The following RBFOX1 variants were observed in gnomAD, a reference collection of about 807,000 sequenced individuals.
The protein encoded by RBFOX1 is RNA binding protein fox-1 homolog 1.
In RBFOX1, 8 loss-of-function variants were observed where a neutral mutation model predicts 57.7. That is an observed-to-expected ratio of 0.14 (90% CI 0.08 to 0.25). RBFOX1 has a LOEUF of 0.25. Ranked by LOEUF, RBFOX1 falls within the 10% of genes least tolerant of loss-of-function variation. The probability of loss-of-function intolerance (pLI) is 1.00; values close to 1 mark genes in which losing one functional copy is unlikely to be tolerated. For synonymous variants in RBFOX1, 326 were observed against 222.4 expected, an observed-to-expected ratio of 1.47 and a Z score of -4.15; for missense variants, 611 against 548.5, an observed-to-expected ratio of 1.11 and a Z score of -1.14.
rs1064796313 is a variant in RBFOX1 at position 7,518,297 on chromosome 16, G to A, written c.178G>A (p.Glu60Lys). The change falls in exon 5 of 16, where the codon GAG becomes AAG. Residue 60 changes from glutamate (E) to lysine (K), a missense_variant. Physicochemically the swap from Glu to Lys is moderately conservative, Grantham distance 56 (BLOSUM62 1). This residue lies in a region of RBFOX1 where 245 missense variants were observed against 159.1 expected (regional missense o/e 1.54). Coordinates refer to ENST00000550418, the MANE Select transcript of RBFOX1 (RefSeq NM_018723.4). ...PEYTGQTTVP[E>K]HTLNLYPPAQ... ...GTACACAGGCCAGACCACGGTTCCCGAGCACACATTAAACCTGTACCCTCC... is the reference window on the plus strand; with the variant it reads ...GTACACAGGCCAGACCACGGTTCCCAAGCACACATTAAACCTGTACCCTCC... 3.1e-6 allele frequency: 5 copies of A among 1,613,922 alleles called. No individual in the cohort carries two copies. Among genetic ancestry groups the A allele is most frequent in the Non-Finnish European group, 2.5e-6 (3 of 1,180,014 alleles).
chr16:6,007,679 C>G (rs906956999), intron 4 of RBFOX1, among the ~76,000 whole-genome samples: 3 of 152,172 alleles, frequency 2.0e-5, no homozygotes, highest in South Asian at 4.1e-4. Flanking sequence ...AGTAGGCACT[C>G]AATACATACT....
chr16:6,379,254 A>G (rs1375344503), intron 2 of RBFOX1, among the ~76,000 whole-genome samples: 1 of 152,186 alleles, frequency 6.6e-6, no homozygotes, highest in Non-Finnish European at 1.5e-5. Flanking sequence ...CAGAGAGGCA[A>G]TGGTACTCAA....
chr16:6,828,771 A>T (rs1041547245), intron 3 of RBFOX1, among the ~76,000 whole-genome samples: 1 of 152,162 alleles, frequency 6.6e-6, no homozygotes, highest in African/African-American at 2.4e-5. Context: ...GACCAGCACC[A>T]TGAATTCCGA....
chr16:7,386,138 G>C (rs955887481), intron 4 of RBFOX1, among the ~76,000 whole-genome samples: 1 of 152,008 alleles, frequency 6.6e-6, no homozygotes, highest in Non-Finnish European at 1.5e-5. Context: ...GAGGACTCTT[G>C]GGTTTGAGAT....
chr16:7,186,111 G>C (rs2083689796), intron 4 of RBFOX1, among the ~76,000 whole-genome samples: 1 of 151,754 alleles, frequency 6.6e-6, no homozygotes, highest in African/African-American at 2.4e-5. Flanking sequence ...TAATTGCACA[G>C]ATATGTACAA....
intron 1 of RBFOX1, among the ~76,000 whole-genome samples, chr16:6,212,728 C>CA (rs1555553887): frequency 0.15 from 21,822 of 145,042 alleles, 1,748 homozygotes; most frequent in Middle Eastern, 0.26. Context: ...AACAAACAAA[C>CA]AAAAAAAAAA....
chr16:6,003,996 A>T (rs780237400), intron 4 of RBFOX1, among the ~76,000 whole-genome samples: 6 of 152,216 alleles, frequency 3.9e-5, no homozygotes, highest in Non-Finnish European at 7.3e-5. Flanking sequence ...TTGAGAGTTT[A>T]TTGAGAGGAC....
intron 2 of RBFOX1, among the ~76,000 whole-genome samples, chr16:6,518,922 G>C (rs903771099): frequency 6.6e-6 from 1 of 152,016 alleles, no homozygotes; most frequent in South Asian, 2.1e-4. Flanking sequence ...CATTTGGTCA[G>C]AGTTCAGCCA....
chr16:7,206,645 C>T (rs1048340718), intron 4 of RBFOX1, among the ~76,000 whole-genome samples: 11 of 152,044 alleles, frequency 7.2e-5, no homozygotes, highest in African/African-American at 1.9e-4. Context: ...TCTTATCCCT[C>T]AGCTAGATTA....
At chr16:7,698,329 G>T (rs562665273) in intron 14 of RBFOX1, among the ~76,000 whole-genome samples, 2 of 152,042 alleles carry the variant, frequency 1.3e-5, no homozygotes, top group East Asian at 1.9e-4. Context: ...TTTCATCTCA[G>T]TTCCTGATGA....
At chr16:7,002,033 T>G (rs1204614112) in intron 3 of RBFOX1, among the ~76,000 whole-genome samples, 6 of 150,358 alleles carry the variant, frequency 4.0e-5, no homozygotes, top group African/African-American at 1.5e-4. Context: ...GATTCAGGGA[T>G]GGGCATGTGA....
At chr16:6,426,257 A>C (rs1489753043) in intron 2 of RBFOX1, among the ~76,000 whole-genome samples, 1 of 151,920 alleles carries the variant, frequency 6.6e-6, no homozygotes, top group Non-Finnish European at 1.5e-5. Flanking sequence ...AGGTTCAAAA[A>C]CAGATGGGGA....
At chr16:5,882,745 G>T (rs144109054) in intron 4 of RBFOX1, among the ~76,000 whole-genome samples, 2 of 152,150 alleles carry the variant, frequency 1.3e-5, no homozygotes, top group African/African-American at 4.8e-5. Flanking sequence ...GTCCCTGGGC[G>T]GGTTAAAGAC....
chr16:6,854,250 A>G (rs545542850), intron 3 of RBFOX1, among the ~76,000 whole-genome samples: 20 of 152,316 alleles, frequency 1.3e-4, no homozygotes, highest in Admixed American at 1.3e-3. Flanking sequence ...GACATATACC[A>G]TTAGCACCAT....
chr16:7,477,150 A>T (rs904293267), intron 4 of RBFOX1, among the ~76,000 whole-genome samples: 1 of 152,202 alleles, frequency 6.6e-6, no homozygotes, highest in East Asian at 1.9e-4. Context: ...CATGAGAATC[A>T]CAAAACCAAC....
intron 2 of RBFOX1, among the ~76,000 whole-genome samples, chr16:6,551,686 C>A (rs550763054): frequency 6.6e-6 from 1 of 152,230 alleles, no homozygotes; most frequent in Admixed American, 6.5e-5. Flanking sequence ...ACAGATAAGA[C>A]TATTAAAAGA....
rs529092621 is a variant in RBFOX1, at chr16:5,446,250, G to A, written c.220-20966G>A. Among the ~76,000 whole-genome samples, 9 of 152,268 alleles carry A rather than the reference G, an allele frequency of 5.9e-5. No individual in the cohort carries two copies. The South Asian group carries it at 6.2e-4, about 11-fold the overall frequency. ...AAGCAAAAGGGACAATGATCTGGTT[G>A]CTGGCTTCTGTGGGCAAAACATCAG... On this transcript the variant is annotated intron_variant, in intron 1 of 2. Coordinates refer to the RBFOX1 transcript ENST00000585867.
chr16:7,564,791 T>C (rs953505993), intron 5 of RBFOX1, among the ~76,000 whole-genome samples: 1 of 122,926 alleles, frequency 8.1e-6, no homozygotes, highest in Non-Finnish European at 1.8e-5. Context: ...CCTTGTACAT[T>C]CATCCTATTT....
intron 2 of RBFOX1, among the ~76,000 whole-genome samples, chr16:6,432,249 A>G (rs1389587064): frequency 2.6e-5 from 4 of 152,054 alleles, no homozygotes; most frequent in Non-Finnish European, 4.4e-5. Context: ...GATTATACGT[A>G]TGAGCCACGT....
Sources: gnomAD v4.1 joint callset for allele counts (sites outside exome capture counted in the v4.1 genomes callset) on GRCh38, gnomAD v4.1.1 for gene constraint, gnomAD v4.1.1 regional missense constraint, MANE v1.5 for transcripts, NCBI Gene and HGNC (gene_info 2026-07-23, HGNC 2026-07-21) for gene names.